Variants in CCDC7 observed in about 807,000 individuals in gnomAD.
CCDC7 encodes the protein coiled-coil domain-containing protein 7.
In CCDC7, 183 loss-of-function variants were observed where a neutral mutation model predicts 196.9. That is an observed-to-expected ratio of 0.93 (90% CI 0.82 to 1.05). The LOEUF is 1.05. Among genes scored for constraint, CCDC7 ranks in the 50% least tolerant of loss-of-function variants. The pLI, the probability that CCDC7 is intolerant of heterozygous loss-of-function variation, is 0.00. For synonymous variants in CCDC7, 525 were observed against 484.6 expected (o/e 1.08, Z -1.10); for missense variants, 1,540 against 1,482.2 (o/e 1.04, Z -0.64).
chr10:32,865,264 A>C (rs1445595786), intron 41 of CCDC7, among the ~76,000 whole-genome samples: 1 of 151,850 alleles, frequency 6.6e-6, no homozygotes, highest in Non-Finnish European at 1.5e-5. Flanking sequence ...TCAAAAATTG[A>C]GTATATTTTT....
chr10:32,671,767 T>G (rs2074099661), intron 21 of CCDC7, among the ~76,000 whole-genome samples: 1 of 152,110 alleles, frequency 6.6e-6, no homozygotes, highest in African/African-American at 2.4e-5. Context: ...TGAGGGCGCT[T>G]GCTGGGTGGG....
chr10:32,723,676 TG>T (rs975367472), intron 25 of CCDC7, among the ~76,000 whole-genome samples: 13 of 151,924 alleles, frequency 8.6e-5, no homozygotes, highest in African/African-American at 2.9e-4. Flanking sequence ...ACTCTGAAAG[TG>T]GGGGTCTATA....
chr10:32,644,747 T>C (rs998996882), intron 20 of CCDC7, among the ~76,000 whole-genome samples: 5 of 152,226 alleles, frequency 3.3e-5, no homozygotes, highest in African/African-American at 1.2e-4. Context: ...CATTCTCTTC[T>C]CTTGGCTGCC....
chr10:32,831,976 G>A (rs1264641024), intron 32 of CCDC7, among the ~76,000 whole-genome samples: 1 of 152,138 alleles, frequency 6.6e-6, no homozygotes, highest in East Asian at 1.9e-4. Flanking sequence ...ATATCTGGCA[G>A]CAGAGTAGGT....
chr10:32,718,538 GA>G (rs149582004), intron 25 of CCDC7, among the ~76,000 whole-genome samples: 8,070 of 152,008 alleles, frequency 0.053, 715 homozygotes, highest in African/African-American at 0.18. Context: ...TTAGGGAAGA[GA>G]AAAAAATAAA....
At chr10:32,518,829 A>T (rs2047451423) in intron 11 of CCDC7, among the ~76,000 whole-genome samples, 1 of 152,132 alleles carries the variant, frequency 6.6e-6, no homozygotes, top group African/African-American at 2.4e-5. Flanking sequence ...ACAATTATGT[A>T]ATGTGTGTGT....
intron 23 of CCDC7, among the ~76,000 whole-genome samples, chr10:32,693,042 T>G (rs2077272335): frequency 6.6e-6 from 1 of 152,182 alleles, no homozygotes; most frequent in African/African-American, 2.4e-5. Context: ...CTAAAAAGAT[T>G]TCATGATTTG....
chr10:32,807,207 T>C (rs986762007), intron 30 of CCDC7, among the ~76,000 whole-genome samples: 12 of 152,204 alleles, frequency 7.9e-5, no homozygotes, highest in Admixed American at 7.9e-4. Context: ...TCTGTAACTC[T>C]GAAAGACCAT....
intron 29 of CCDC7, among the ~76,000 whole-genome samples, chr10:32,793,134 A>T (rs976437148): frequency 1.6e-4 from 25 of 152,328 alleles, no homozygotes; most frequent in African/African-American, 5.8e-4. Flanking sequence ...GGTGTTAGTC[A>T]TGCAATTCAG....
At chr10:32,594,105 AG>A (rs1363719094) in intron 18 of CCDC7, among the ~76,000 whole-genome samples, 1 of 152,118 alleles carries the variant, frequency 6.6e-6, no homozygotes, top group Non-Finnish European at 1.5e-5. Context: ...GGTAGCTTGA[AG>A]GGGATGGCAG....
Position 32,805,315 on chromosome 10 carries a change from G to A in CCDC7, c.3097+217G>A, listed in dbSNP as rs1360554045. ...CTTTTAGGACTCATCCATTTAGAAA[G>A]TAATCCATAAAATAATATAGTATAG... On this transcript the variant is annotated intron_variant, in intron 30 of 41. Transcript: ENST00000639629. 2.0e-5 allele frequency among the ~76,000 whole-genome samples: 3 copies of A among 152,128 alleles called. No homozygotes were observed. In the East Asian group the frequency reaches 5.8e-4, roughly 29 times the overall value.
At chr10:32,486,015 A>G (rs1206344504) in intron 8 of CCDC7, among the ~76,000 whole-genome samples, 2 of 152,108 alleles carry the variant, frequency 1.3e-5, no homozygotes, top group East Asian at 1.9e-4. Context: ...TATTAGGTCC[A>G]CTTGGTGCAG....
At chr10:32,478,944 G>A (rs1052067387) in intron 8 of CCDC7, among the ~76,000 whole-genome samples, 3 of 152,056 alleles carry the variant, frequency 2.0e-5, no homozygotes, top group African/African-American at 7.2e-5. Flanking sequence ...AGTACCTGCT[G>A]TTTTGGAAGG....
At chr10:32,675,576 T>C (rs2074806396) in intron 21 of CCDC7, 1 of 152,378 alleles carries the variant, frequency 6.6e-6, no homozygotes, top group South Asian at 2.1e-4. Context: ...CATTATTTTC[T>C]GATTATCAAT....
At chr10:32,775,491 A>C (rs1190246274) in intron 28 of CCDC7, among the ~76,000 whole-genome samples, 1 of 152,198 alleles carries the variant, frequency 6.6e-6, no homozygotes, top group East Asian at 1.9e-4. Context: ...ACCTATAGTA[A>C]CTATCTGTTT....
chr10:32,802,450 G>C (rs1285371666), intron 29 of CCDC7, among the ~76,000 whole-genome samples: 3 of 152,022 alleles, frequency 2.0e-5, no homozygotes, highest in East Asian at 1.9e-4. Context: ...ATATTAAGCA[G>C]GCAACTCCAG....
intron 38 of CCDC7, among the ~76,000 whole-genome samples, chr10:32,848,237 C>A (rs1467083630): frequency 1.2e-4 from 18 of 151,994 alleles, no homozygotes; most frequent in Non-Finnish European, 1.5e-5. Context: ...TCAATTGGGG[C>A]AGGGGGGATC....
chr10:32,790,910 C>T (rs532063758), intron 29 of CCDC7, among the ~76,000 whole-genome samples: 1 of 152,296 alleles, frequency 6.6e-6, no homozygotes, highest in East Asian at 1.9e-4. Context: ...CCACTTCAAT[C>T]CTGTGCCCTG....
At chr10:32,766,398 T>C (rs2078307973) in intron 28 of CCDC7, among the ~76,000 whole-genome samples, 1 of 152,026 alleles carries the variant, frequency 6.6e-6, no homozygotes, top group Non-Finnish European at 1.5e-5. Context: ...AAGAGAAGGT[T>C]CTGCAACAGG....
Sources: allele counts gnomAD v4.1 joint callset (sites outside exome capture counted in the v4.1 genomes callset), GRCh38; gene constraint gnomAD v4.1.1; transcripts MANE v1.5; gene names NCBI Gene and HGNC (gene_info 2026-07-23, HGNC 2026-07-21).